The following TOP3B variants were observed in gnomAD, a reference collection of about 807,000 sequenced individuals.
The protein encoded by TOP3B is DNA topoisomerase 3-beta-1.
TOP3B carries 45 observed loss-of-function variants against 93.9 expected under a neutral mutation model. That is an observed-to-expected ratio of 0.48 (90% CI 0.38 to 0.61). The LOEUF is 0.61. Ranked by LOEUF, TOP3B falls within the 20% of genes least tolerant of loss-of-function variation. The pLI, the probability that TOP3B is intolerant of heterozygous loss-of-function variation, is 0.00. For missense variants in TOP3B, 750 were observed against 1,156.1 expected (o/e 0.65, Z 5.09); for synonymous variants, 357 against 472.6 (o/e 0.76, Z 3.17).
At position 21,968,670 on chromosome 22, in the gene TOP3B, A is replaced by C; in HGVS notation, c.687T>G (p.His229Gln). The C allele has an allele frequency of 6.2e-7, 1 of 1,614,158 alleles. No individual in the cohort carries two copies. The highest frequency in any genetic ancestry group is 8.5e-7 in the Non-Finnish European group (1 of 1,180,032). The part of the protein sequence containing the change: ...TPTLGFCVER[H>Q]DKIQSFKPET... ...CTGGTTTGAAGGACTGGATTTTATCATGTCTCTCCACACAGAATCCCAGGG... is the reference window on the plus strand; with the variant it reads ...CTGGTTTGAAGGACTGGATTTTATCCTGTCTCTCCACACAGAATCCCAGGG... Residue 229 changes from histidine to glutamine, a missense_variant, in exon 7 of 18, where the codon CAT (histidine) becomes CAG (glutamine). His to Gln is a conservative substitution (Grantham distance 24). Coordinates refer to ENST00000357179, the MANE Select transcript of TOP3B (RefSeq NM_001282112.2).
intron 17 of TOP3B, chr22:21,958,124 T>C (rs964279716): frequency 4.5e-5 from 56 of 1,255,966 alleles, no homozygotes; most frequent in Admixed American, 5.4e-5. Context: ...CCTCCAGTAA[T>C]GAGGACGAGG....
intron 13 of TOP3B, chr22:21,960,698 G>C (rs772061780): frequency 1.9e-6 from 1 of 519,326 alleles, no homozygotes; most frequent in Non-Finnish European, 3.5e-6. Flanking sequence ...CTTTATGGCA[G>C]AGACAACAGG....
chr22:21,964,570 C>G (rs2071340153), intron 9 of TOP3B: 1 of 546,528 alleles, frequency 1.8e-6, no homozygotes, highest in South Asian at 2.2e-5. Context: ...AAACGCCACT[C>G]ACTCTACCCC....
At chr22:21,967,169 C>T (rs6000343) in intron 8 of TOP3B, 4,687 of 179,026 alleles carry the variant, frequency 0.026, 213 homozygotes, top group African/African-American at 0.1. Context: ...CATAAAAGCA[C>T]GCAAGCTGAT....
chr22:21,959,796 C>A, intron 14 of TOP3B, 60 bp from the exon 15 acceptor site: 1 of 1,575,650 alleles, frequency 6.3e-7, no homozygotes, highest in Non-Finnish European at 8.6e-7. Context: ...CCATGCCACC[C>A]CTTCCCAGGC....
At chr22:21,979,477 C>T (rs1412146625) in intron 1 of TOP3B, among the ~76,000 whole-genome samples, 4 of 152,054 alleles carry the variant, frequency 2.6e-5, no homozygotes, top group Non-Finnish European at 4.4e-5. Flanking sequence ...TCCATGTGGA[C>T]TCTGAGTCCC....
rs2071243984 is a variant in TOP3B, at chr22:21,962,735, C to T, written c.1351+12G>A. 1.9e-6 allele frequency: 3 copies of T among 1,614,034 alleles called. No individual in the cohort carries two copies. Among genetic ancestry groups the T allele is most frequent in the Non-Finnish European group, 2.5e-6 (3 of 1,179,976 alleles). ...AAGGCACAGAGGAGGAAGGCTGGGC[C>T]CGTGGTGTGACCTGGTGAGAGGACG... On this transcript the variant is annotated intron_variant, in intron 12 of 17. Coordinates refer to ENST00000357179, the MANE Select transcript of TOP3B (RefSeq NM_001282112.2).
In TOP3B at chr22:21,975,715, C is replaced by T. The variant is rs1208145997; in HGVS notation, c.-6G>A. The T allele has an allele frequency of 6.2e-7, 1 of 1,606,038 alleles. No homozygotes were observed. Among genetic ancestry groups the T allele is most frequent in the Non-Finnish European group, 8.5e-7 (1 of 1,174,568 alleles). ...ACCATGAGCACAGTCTTCATTTTGT[C>T]TCGGTCCTTCACACTCCAGTTTCGG... On this transcript the variant is annotated 5_prime_UTR_variant, in exon 2 of 18. Transcript: ENST00000357179.
rs888648899 is a variant in TOP3B, at chr22:21,975,849, T to C, written c.-98-42A>G. On this transcript the variant is annotated intron_variant, in intron 1 of 17. Transcript: ENST00000357179. The stretch of plus-strand genomic sequence containing the variant: ...ACACTCAGGATAGCAATGCTGTCAA[T>C]AGAACCTACACCACTACAAGGAAAA... The C allele has an allele frequency of 8.9e-6, 11 of 1,237,310 alleles. No homozygotes were observed. The African/African-American group carries it at 1.1e-4, about 12-fold the overall frequency. The allele number at this position is 1,237,310 out of a possible 1,614,324, so 76.6% of individuals were successfully genotyped here.
In TOP3B at chr22:21,963,096, G is replaced by T; in HGVS notation, c.1205-203C>A. 3.4e-6 allele frequency: 2 copies of T among 591,692 alleles called. No individual in the cohort carries two copies. Among genetic ancestry groups the T allele is most frequent in the Non-Finnish European group, 6.0e-6 (2 of 334,566 alleles). The allele number at this position is 591,692 out of a possible 1,614,324, so 36.7% of individuals were successfully genotyped here. The stretch of plus-strand genomic sequence containing the variant: ...TGCCTGTAATCCTAGCACTCTGGGA[G>T]GCTAAGGTGGATGGATCACTTGAGG... On this transcript the variant is annotated intron_variant, in intron 11 of 17. Transcript: ENST00000357179. The surrounding 1 kb of genome is among the most constrained non-coding windows in gnomAD (Gnocchi z 4.8).
At chr22:21,982,550 C>T (rs2145897861) in intron 1 of TOP3B, 180 bp downstream of exon 1, 1 of 152,434 alleles carries the variant, frequency 6.6e-6, no homozygotes, top group African/African-American at 2.4e-5. Context: ...CACAGCAAGC[C>T]CCGCGGGAGA....
chr22:21,971,719 G>C lies in TOP3B; in HGVS notation c.384+158C>G. On this transcript the variant is annotated intron_variant, in intron 5 of 17. Transcript: ENST00000357179. The surrounding 1 kb of genome is among the most constrained non-coding windows in gnomAD (Gnocchi z 4.6). ...AGAGCCTATGCAGTTAAAAGTATCT[G>C]TGGAGTTTCAGAATAAAGGGAGGGG... The C allele has an allele frequency of 1.4e-6, 1 of 716,720 alleles. No homozygotes were observed. The highest frequency in any genetic ancestry group is 1.5e-5 in the South Asian group (1 of 66,354). 44.4% of individuals were successfully genotyped at this position (716,720 alleles called of 1,614,324 possible).
At chr22:21,974,697 C>A (rs2071790211) in intron 2 of TOP3B, 1 of 485,306 alleles carries the variant, frequency 2.1e-6, no homozygotes. Flanking sequence ...CAACCTAGCA[C>A]AGAGCACTCT....
At chr22:21,959,099 C>G (rs1555928834) in intron 16 of TOP3B, 33 bp downstream of exon 16, 1 of 1,611,492 alleles carries the variant, frequency 6.2e-7, no homozygotes, top group South Asian at 1.1e-5. Flanking sequence ...AGGGGTGAGG[C>G]AGCTTGCCTG....
chr22:21,967,406 T>C, intron 8 of TOP3B, 197 bp downstream of exon 8: 1 of 587,112 alleles, frequency 1.7e-6, no homozygotes, highest in South Asian at 2.0e-5. Context: ...TGCAGTACAC[T>C]GTGACTATTG....
intron 1 of TOP3B, among the ~76,000 whole-genome samples, chr22:21,979,687 A>G (rs539362120): frequency 5.9e-5 from 9 of 152,234 alleles, no homozygotes; most frequent in East Asian, 3.9e-4. Context: ...CACGCCTGTA[A>G]TCCCAGCACT....
rs1260273651 is a variant in TOP3B, at chr22:21,964,194, C to A, written c.1065G>T (p.Arg355=). 2.2e-5 allele frequency: 35 copies of A among 1,614,050 alleles called. No homozygotes were observed. The highest frequency in any genetic ancestry group is 3.0e-5 in the Non-Finnish European group (35 of 1,180,042). ...CCCAGTAGGGGTGGTTGGCCTGCTG[C>A]CGCAGAGAGCCCTTCAGGTCAAAGT... ...PENFDLKGSL[R]QQANHPYWAD... is the part of the protein sequence containing the mutation. Residue 355 remains arginine, a synonymous_variant, in exon 10 of 18, where the codon CGG becomes CGT. Coordinates refer to ENST00000357179, the MANE Select transcript of TOP3B (RefSeq NM_001282112.2).
intron 2 of TOP3B, 125 bp downstream of exon 2, chr22:21,975,515 T>C: frequency 8.8e-7 from 1 of 1,133,204 alleles, no homozygotes; most frequent in Non-Finnish European, 1.2e-6. Flanking sequence ...ACTGAGATGC[T>C]TCATTACCAC....
Position 21,965,322 on chromosome 22 carries a change from G to A in TOP3B, c.906C>T (p.Asn302=). Reference sequence around the variant, plus strand: ...TGGCCACACGCAGCATCTCCACAGTGTTCAGGGCCAGGGGCCTCTGCTTGG... The same window carrying A: ...TGGCCACACGCAGCATCTCCACAGTATTCAGGGCCAGGGGCCTCTGCTTGG... ...EKAKQRPLAL[N]TVEMLRVASS... The change falls in exon 9 of 18, where the codon AAC becomes AAT. Residue 302 remains asparagine (N), a synonymous_variant. Coordinates refer to ENST00000357179, the MANE Select transcript of TOP3B (RefSeq NM_001282112.2). 6.2e-7 allele frequency: 1 copy of A among 1,609,610 alleles called. No individual in the cohort carries two copies.
Sources: allele counts gnomAD v4.1 joint callset (sites outside exome capture counted in the v4.1 genomes callset), GRCh38; gene constraint gnomAD v4.1.1; non-coding constraint Gnocchi (gnomAD v3.1); transcripts MANE v1.5; gene names NCBI Gene and HGNC (gene_info 2026-07-23, HGNC 2026-07-21).